Variants in TTLL9 observed in about 807,000 individuals in gnomAD.
The protein encoded by TTLL9 is tubulin tyrosine ligase like 9.
In TTLL9, 47 loss-of-function variants were observed where a neutral mutation model predicts 65.6. The observed-to-expected ratio is 0.72, with a 90% CI of 0.57 to 0.91. TTLL9 has a LOEUF of 0.91. Among genes scored for constraint, TTLL9 ranks in the 40% least tolerant of loss-of-function variants. The pLI is 0.00. For missense variants in TTLL9, 537 were observed against 568.8 expected (o/e 0.94, Z 0.57); for synonymous variants, 179 against 204.8 (o/e 0.87, Z 1.07).
chr20:31,911,483 C>A (rs754797182), intron 6 of TTLL9, among the ~76,000 whole-genome samples: 3 of 152,156 alleles, frequency 2.0e-5, no homozygotes, highest in Non-Finnish European at 4.4e-5. Flanking sequence ...ATGGGGCTGA[C>A]AAAAACAATG....
intron 2 of TTLL9, chr20:31,879,908 A>G: frequency 6.5e-7 from 1 of 1,548,062 alleles, no homozygotes; most frequent in Non-Finnish European, 8.7e-7. Context: ...GTAGGAGTCG[A>G]CCTGACCCAG....
chr20:31,934,897 G>C lies in TTLL9; in HGVS notation c.1004+9G>C. On this transcript the variant is annotated intron_variant, in intron 12 of 14. Coordinates refer to ENST00000535842, the MANE Select transcript of TTLL9 (RefSeq NM_001008409.5). Reference sequence around the variant, plus strand: ...GACCAGGACCTCAAGCCGTAAGTGGGTGGGTGGGAGAGCCAGGAGGTCATA... The same window carrying C: ...GACCAGGACCTCAAGCCGTAAGTGGCTGGGTGGGAGAGCCAGGAGGTCATA... 1 of 1,605,928 alleles carries C rather than the reference G, an allele frequency of 6.2e-7. No homozygotes were observed. The highest frequency in any genetic ancestry group is 1.1e-5 in the South Asian group (1 of 89,964).
At position 31,938,117 on chromosome 20, in the gene TTLL9, C is replaced by T. The variant is rs781031089; in HGVS notation, c.1118+608C>T. ...CTCTCCCTCTCCCTCTCCCTCCCTC[C>T]CTCTCCCTCTCCCTCCCTCCCTTCT... On this transcript the variant is annotated intron_variant, in intron 13 of 14. Coordinates refer to ENST00000535842, the MANE Select transcript of TTLL9 (RefSeq NM_001008409.5). The T allele has an allele frequency of 9.2e-4, 367 of 399,284 alleles. 2 individuals are homozygous for T. Among genetic ancestry groups the T allele is most frequent in the Non-Finnish European group, 1.5e-3 (303 of 198,980 alleles). 24.7% of individuals were successfully genotyped at this position (399,284 alleles called of 1,614,324 possible). A position where few individuals can be genotyped will look rare whatever the true frequency, so the allele number is the denominator to read the frequency against.
chr20:31,914,968 T>C (rs1480659617), intron 6 of TTLL9, among the ~76,000 whole-genome samples: 3 of 152,354 alleles, frequency 2.0e-5, no homozygotes, highest in African/African-American at 7.2e-5. Flanking sequence ...CAAAATTATT[T>C]GTGCTATAGA....
At chr20:31,879,707 A>G in intron 2 of TTLL9, 1 of 1,066,634 alleles carries the variant, frequency 9.4e-7, no homozygotes, top group Non-Finnish European at 1.3e-6. Context: ...CAGGACGCCC[A>G]ATAGCCTCCA....
At chr20:31,938,333 G>T in intron 13 of TTLL9, 1 of 391,606 alleles carries the variant, frequency 2.6e-6, no homozygotes. Flanking sequence ...GAGGGAGGGA[G>T]GGAGGAGTGG....
intron 2 of TTLL9, among the ~76,000 whole-genome samples, chr20:31,882,309 G>A (rs756869293): frequency 8.5e-5 from 13 of 152,216 alleles, no homozygotes; most frequent in Non-Finnish European, 1.2e-4. Context: ...AGTGGAACCA[G>A]CTAAGCAATG....
chr20:31,936,050 G>A (rs192190204), intron 12 of TTLL9, among the ~76,000 whole-genome samples: 4 of 152,296 alleles, frequency 2.6e-5, no homozygotes, highest in Non-Finnish European at 5.9e-5. Context: ...AGTTGTTAGA[G>A]TAATTTACCA....
intron 3 of TTLL9, among the ~76,000 whole-genome samples, chr20:31,891,424 G>A (rs553911783): frequency 3.0e-4 from 46 of 151,734 alleles, no homozygotes; most frequent in Non-Finnish European, 5.4e-4. Flanking sequence ...TTGTCGTTTC[G>A]GGTCTATTGC....
intron 2 of TTLL9, among the ~76,000 whole-genome samples, chr20:31,876,918 T>G (rs2123368932): frequency 6.6e-6 from 1 of 152,338 alleles, no homozygotes; most frequent in Admixed American, 6.5e-5. Context: ...TTGACATATT[T>G]TATTTTTGTA....
At chr20:31,873,129 G>T in intron 2 of TTLL9, 1 of 436,126 alleles carries the variant, frequency 2.3e-6, no homozygotes. Context: ...TATTTTCACA[G>T]GGCAGCTGAA....
Position 31,944,021 on chromosome 20 carries a change from C to A in TTLL9, c.*1000C>A. On this transcript the variant is annotated 3_prime_UTR_variant, in exon 15 of 15. Transcript: ENST00000535842. ...GGCTGCAAATGGTTGAATCTGCCTGCCTAGGTCAAGCCCGAAGGGAAGACT... is the reference window on the plus strand; with the variant it reads ...GGCTGCAAATGGTTGAATCTGCCTGACTAGGTCAAGCCCGAAGGGAAGACT... The A allele has an allele frequency of 2.9e-6, 1 of 345,804 alleles. No individual in the cohort carries two copies. Among genetic ancestry groups the A allele is most frequent in the Non-Finnish European group, 5.8e-6 (1 of 173,276 alleles). The allele number at this position is 345,804 out of a possible 1,614,324, so 21.4% of individuals were successfully genotyped here.
chr20:31,909,943 G>A, intron 6 of TTLL9, 21 bp downstream of exon 6: 2 of 1,592,432 alleles, frequency 1.3e-6, no homozygotes, highest in Non-Finnish European at 1.7e-6. Flanking sequence ...AGTGCCAGGG[G>A]CTGGGTGGGA....
chr20:31,918,004 G>A (rs1600590019), intron 6 of TTLL9, among the ~76,000 whole-genome samples: 1 of 152,094 alleles, frequency 6.6e-6, no homozygotes, highest in Non-Finnish European at 1.5e-5. Context: ...GCAGCTGCAG[G>A]CATATCCCCC....
At chr20:31,873,688 A>G (rs199802528) in intron 2 of TTLL9, among the ~76,000 whole-genome samples, 281 of 28,336 alleles carry the variant, frequency 9.9e-3, no homozygotes, top group African/African-American at 0.036. Flanking sequence ...GAGAGAGAGA[A>G]AGAAAGAAAG....
chr20:31,897,146 CA>C (rs2063399257), intron 3 of TTLL9, among the ~76,000 whole-genome samples: 2 of 152,132 alleles, frequency 1.3e-5, no homozygotes, highest in African/African-American at 4.8e-5. Flanking sequence ...CCAGTGAAAC[CA>C]CTGAGCCTGG....
chr20:31,876,065 C>T (rs2063033953), intron 2 of TTLL9, among the ~76,000 whole-genome samples: 1 of 152,204 alleles, frequency 6.6e-6, no homozygotes, highest in African/African-American at 2.4e-5. Context: ...CATTCTACAA[C>T]TTTCTTTTAT....
At chr20:31,911,829 T>TGCGC (rs1445828934) in intron 6 of TTLL9, among the ~76,000 whole-genome samples, 1 of 105,564 alleles carries the variant, frequency 9.5e-6, no homozygotes, top group African/African-American at 3.5e-5. Context: ...GGTGTGTCTG[T>TGCGC]GCGTGTGTGT....
intron 4 of TTLL9, among the ~76,000 whole-genome samples, chr20:31,908,196 G>A (rs1297351644): frequency 6.6e-6 from 1 of 151,998 alleles, no homozygotes; most frequent in East Asian, 1.9e-4. Flanking sequence ...ATTCCACTGC[G>A]GGCTGCACGC....
Sources: allele counts gnomAD v4.1 joint callset (sites outside exome capture counted in the v4.1 genomes callset), GRCh38; gene constraint gnomAD v4.1.1; transcripts MANE v1.5; gene names NCBI Gene and HGNC (gene_info 2026-07-23, HGNC 2026-07-21).